The following DEPDC5 variants were observed in gnomAD, a reference collection of about 807,000 sequenced individuals.
The protein encoded by DEPDC5 is GATOR1 complex protein DEPDC5.
Under a neutral mutation model 217.3 loss-of-function variants are expected in DEPDC5, and 73 were observed. The observed-to-expected ratio is 0.34, with a 90% CI of 0.28 to 0.41. The LOEUF is 0.41. Ranked by LOEUF, DEPDC5 falls within the 10% of genes least tolerant of loss-of-function variation. The pLI, the probability that DEPDC5 is intolerant of heterozygous loss-of-function variation, is 1.00. For synonymous variants in DEPDC5, 733 were observed against 756.7 expected, an observed-to-expected ratio of 0.97 and a Z score of 0.51; for missense variants, 1,675 against 2,070.1, an observed-to-expected ratio of 0.81 and a Z score of 3.70.
chr22:31,836,920 C>T, intron 25 of DEPDC5, 52 bp from the exon 26 acceptor site: 1 of 1,555,298 alleles, frequency 6.4e-7, no homozygotes, highest in South Asian at 1.2e-5. Flanking sequence ...CCCCCCATCC[C>T]ACACTTGCCA....
chr22:31,785,691 TC>T (rs2084913507), intron 10 of DEPDC5, among the ~76,000 whole-genome samples: 1 of 152,064 alleles, frequency 6.6e-6, no homozygotes, highest in African/African-American at 2.4e-5. Flanking sequence ...GACTCTCACT[TC>T]CTAATTTCAA....
chr22:31,808,781 G>A (rs2087878064), intron 18 of DEPDC5, among the ~76,000 whole-genome samples: 1 of 151,948 alleles, frequency 6.6e-6, no homozygotes. Flanking sequence ...TGGCCAGGCT[G>A]GTACTCCTGA....
chr22:31,825,081 T>C (rs910493175), intron 24 of DEPDC5, among the ~76,000 whole-genome samples: 1 of 151,926 alleles, frequency 6.6e-6, no homozygotes, highest in African/African-American at 2.4e-5. Context: ...CCTCTCAGGC[T>C]GTTTGGGGTA....
intron 40 of DEPDC5, among the ~76,000 whole-genome samples, chr22:31,898,642 G>A (rs953799249): frequency 5.9e-5 from 9 of 152,210 alleles, no homozygotes; most frequent in African/African-American, 2.2e-4. Context: ...GGTGGATTAG[G>A]CCAAGCAAAG....
At chr22:31,863,245 C>T (rs2092576421) in intron 33 of DEPDC5, among the ~76,000 whole-genome samples, 1 of 152,180 alleles carries the variant, frequency 6.6e-6, no homozygotes, top group South Asian at 2.1e-4. Flanking sequence ...CAGCTCACTG[C>T]CACCTCCACC....
At position 31,754,867 on chromosome 22, in the gene DEPDC5, C is replaced by T. The variant is rs1348974458; in HGVS notation, c.-55C>T. The T allele has an allele frequency of 6.3e-6, 10 of 1,595,632 alleles. No individual in the cohort carries two copies. The highest frequency in any genetic ancestry group is 8.6e-6 in the Non-Finnish European group (10 of 1,165,308). On this transcript the variant is annotated 5_prime_UTR_variant, in exon 2 of 43. Coordinates refer to ENST00000651528, the MANE Select transcript of DEPDC5 (RefSeq NM_001242896.3). ...CGTTTGTATTTCTGTGGCAGGGAGG[C>T]AAGATGACTTCTCTGCCCCAAGCTT... is the stretch of plus-strand genomic sequence containing the variant.
At chr22:31,827,815 C>G (rs1213571213) in intron 24 of DEPDC5, among the ~76,000 whole-genome samples, 1 of 152,196 alleles carries the variant, frequency 6.6e-6, no homozygotes, top group African/African-American at 2.4e-5. Flanking sequence ...CAGAGAGCAT[C>G]ATGGCTAAGA....
chr22:31,846,470 T>C (rs1445171271), intron 30 of DEPDC5, among the ~76,000 whole-genome samples: 2 of 152,162 alleles, frequency 1.3e-5, no homozygotes, highest in Admixed American at 6.5e-5. Flanking sequence ...GGAAGAACTT[T>C]GGTTTTGAAG....
At chr22:31,768,498 G>A (rs1392059575) in intron 6 of DEPDC5, among the ~76,000 whole-genome samples, 1 of 152,168 alleles carries the variant, frequency 6.6e-6, no homozygotes, top group Non-Finnish European at 1.5e-5. Flanking sequence ...GTATGTAAAT[G>A]CAGATATGTA....
intron 26 of DEPDC5, among the ~76,000 whole-genome samples, chr22:31,838,321 T>A (rs1256992047): frequency 6.6e-6 from 1 of 152,166 alleles, no homozygotes; most frequent in African/African-American, 2.4e-5. Flanking sequence ...TTTTATATAC[T>A]GTCATCCAGG....
intron 41 of DEPDC5, among the ~76,000 whole-genome samples, chr22:31,905,004 C>T (rs2093730867): frequency 6.6e-6 from 1 of 152,074 alleles, no homozygotes; most frequent in Non-Finnish European, 1.5e-5. Context: ...ACCCCTCAGA[C>T]TTAGAGGGCA....
chr22:31,898,200 T>C (rs552849785), intron 40 of DEPDC5, among the ~76,000 whole-genome samples: 5 of 152,150 alleles, frequency 3.3e-5, no homozygotes, highest in East Asian at 3.9e-4. Flanking sequence ...CAGAGGATGA[T>C]AGCAGGAACC....
At chr22:31,760,109 C>A (rs1487613766) in intron 3 of DEPDC5, among the ~76,000 whole-genome samples, 14 of 151,614 alleles carry the variant, frequency 9.2e-5, no homozygotes. Context: ...GCTCTGTCGC[C>A]CAGGCTGGAG....
chr22:31,900,965 G>A (rs960772454), intron 40 of DEPDC5, among the ~76,000 whole-genome samples: 27 of 151,050 alleles, frequency 1.8e-4, no homozygotes, highest in South Asian at 8.4e-4. Flanking sequence ...AGTTGGGGCC[G>A]GGCACAGTGG....
intron 33 of DEPDC5, among the ~76,000 whole-genome samples, chr22:31,862,470 C>T (rs903501059): frequency 6.6e-6 from 1 of 152,058 alleles, no homozygotes; most frequent in African/African-American, 2.4e-5. Flanking sequence ...GAGGCTGAGG[C>T]AGGAGAATCG....
At chr22:31,837,845 G>A (rs1043617698) in intron 26 of DEPDC5, among the ~76,000 whole-genome samples, 4 of 152,184 alleles carry the variant, frequency 2.6e-5, no homozygotes, top group African/African-American at 9.6e-5. Context: ...GGGACTACAG[G>A]CGTGTGCCAC....
At position 31,822,705 on chromosome 22, in the gene DEPDC5, C is replaced by G. The variant is rs372975881; in HGVS notation, c.2019C>G (p.Ser673=). 82 of 1,613,964 alleles carry G rather than the reference C, an allele frequency of 5.1e-5. No individual in the cohort carries two copies. In the Middle Eastern group the frequency reaches 9.9e-4, roughly 19 times the overall value. The change falls in exon 24 of 43, where the codon TCC becomes TCG. Residue 673 remains serine (S), a synonymous_variant. Coordinates refer to ENST00000651528, the MANE Select transcript of DEPDC5 (RefSeq NM_001242896.3). The part of the protein sequence containing the change: ...YHEAAGRHSN[S]RQPGDGMSFL... ...CTGTTCTCTGCAGGCACAGCAATTC[C>G]CGCCAGCCTGGTGACGGCATGTCCT... is the stretch of plus-strand genomic sequence containing the variant.
chr22:31,905,641 A>T (rs2093743929), intron 41 of DEPDC5, among the ~76,000 whole-genome samples: 1 of 151,968 alleles, frequency 6.6e-6, no homozygotes, highest in South Asian at 2.1e-4. Context: ...GGTAGGGAAC[A>T]TGGTAGGAGG....
intron 6 of DEPDC5, among the ~76,000 whole-genome samples, chr22:31,768,193 A>C (rs1569512577): frequency 6.6e-6 from 1 of 151,676 alleles, no homozygotes; most frequent in Non-Finnish European, 1.5e-5. Flanking sequence ...TGCACCCATT[A>C]CCCAAACAGT....
Sources: allele counts gnomAD v4.1 joint callset (sites outside exome capture counted in the v4.1 genomes callset), GRCh38; gene constraint gnomAD v4.1.1; transcripts MANE v1.5; gene names NCBI Gene and HGNC (gene_info 2026-07-23, HGNC 2026-07-21).